CLASP1: variants seen among roughly 807,000 people sequenced by gnomAD.
The protein encoded by CLASP1 is CLIP-associating protein 1.
Under a neutral mutation model 192.3 loss-of-function variants are expected in CLASP1, and 38 were observed. The observed-to-expected ratio is 0.20, with a 90% CI of 0.15 to 0.26. CLASP1 has a LOEUF of 0.26. Among genes scored for constraint, CLASP1 ranks in the 10% least tolerant of loss-of-function variants. The pLI, the probability that CLASP1 is intolerant of heterozygous loss-of-function variation, is 1.00. For synonymous variants in CLASP1, 691 were observed against 712.8 expected (o/e 0.97, Z 0.49); for missense variants, 1,433 against 1,932.5 (o/e 0.74, Z 4.85).
intron 22 of CLASP1, among the ~76,000 whole-genome samples, chr2:121,424,233 TC>T (rs1392189230): frequency 1.3e-5 from 2 of 152,134 alleles, no homozygotes; most frequent in Admixed American, 1.3e-4. Flanking sequence ...CATTTCCACC[TC>T]TCCCCAATAG....
chr2:121,434,723 C>T (rs1212694130), intron 19 of CLASP1, among the ~76,000 whole-genome samples: 2 of 152,158 alleles, frequency 1.3e-5, no homozygotes, highest in Non-Finnish European at 2.9e-5. Context: ...GGTGCAGTGG[C>T]TCACACCTGT....
chr2:121,530,361 GGCCTGC>G, intron 2 of CLASP1, 36 bp from the exon 3 acceptor site: 1 of 1,513,866 alleles, frequency 6.6e-7, no homozygotes, highest in Non-Finnish European at 9.0e-7. Flanking sequence ...GTTAGCAGCC[GGCCTGC>G]GGGGCAGCGC....
chr2:121,496,561 T>G (rs1024731983), intron 8 of CLASP1, among the ~76,000 whole-genome samples: 1 of 145,558 alleles, frequency 6.9e-6, no homozygotes, highest in African/African-American at 2.7e-5. Flanking sequence ...CAAGATTTAC[T>G]GAGAGACATA....
chr2:121,465,277 T>C (rs1033824772), intron 9 of CLASP1, among the ~76,000 whole-genome samples: 2 of 152,182 alleles, frequency 1.3e-5, no homozygotes, highest in Non-Finnish European at 2.9e-5. Context: ...AACCCCATTG[T>C]CTCAGCCCAA....
At chr2:121,531,095 G>C in intron 2 of CLASP1, 1 of 651,484 alleles carries the variant, frequency 1.5e-6, no homozygotes, top group Non-Finnish European at 2.8e-6. Flanking sequence ...AGTAGAGGGT[G>C]CACAAGACGC....
intron 8 of CLASP1, among the ~76,000 whole-genome samples, chr2:121,485,623 G>A (rs934456206): frequency 1.3e-5 from 2 of 152,130 alleles, no homozygotes; most frequent in Non-Finnish European, 2.9e-5. Context: ...CAGCACTTTG[G>A]GAGGTCAAGG....
intron 2 of CLASP1, among the ~76,000 whole-genome samples, chr2:121,551,199 T>C (rs1266633259): frequency 6.6e-6 from 1 of 151,992 alleles, no homozygotes; most frequent in African/African-American, 2.4e-5. Context: ...TGAAGGAACA[T>C]ACTTCGAAGT....
At chr2:121,455,936 G>A (rs184790588) in intron 14 of CLASP1, among the ~76,000 whole-genome samples, 53 of 152,226 alleles carry the variant, frequency 3.5e-4, no homozygotes, top group Admixed American at 5.2e-4. Context: ...TTGGGAGACT[G>A]GGGAGATGTA....
chr2:121,347,358 T>A (rs900999554), intron 38 of CLASP1, among the ~76,000 whole-genome samples: 1 of 152,036 alleles, frequency 6.6e-6, no homozygotes, highest in Non-Finnish European at 1.5e-5. Context: ...AGAAACTTGG[T>A]TTCTGGGGTG....
rs115430563 is a variant in CLASP1 at position 121,562,291 on chromosome 2, C to T, written c.196-31966G>A. ...TGCCTGTGACCACTGCTAACCTGTG[C>T]GGAACAAACATGTGCTGAAGGATTT... On this transcript the variant is annotated intron_variant, in intron 2 of 39. Coordinates refer to ENST00000263710, the Ensembl canonical transcript of CLASP1. Among the ~76,000 whole-genome samples, 1,428 of 152,274 alleles carry T rather than the reference C, an allele frequency of 9.4e-3. 22 individuals are homozygous for T. The highest frequency in any genetic ancestry group is 0.032 in the African/African-American group (1,350 of 41,544).
In CLASP1 at chr2:121,348,740, AAGAGTG is replaced by A. The variant is rs757212422; in HGVS notation, c.4207-28_4207-23del. 3.2e-6 allele frequency: 5 copies of A among 1,564,442 alleles called. No individual in the cohort carries two copies. The East Asian group carries it at 9.1e-5, about 29-fold the overall frequency. ...CCACCTGAAACACCCAGTTCCCCCAAAGAGTGAGCTCCACATGCCACATGAAGCGAA... is the reference window on the plus strand; with the variant it reads ...CCACCTGAAACACCCAGTTCCCCCAAAGCTCCACATGCCACATGAAGCGAA... On this transcript the variant is annotated intron_variant, in intron 37 of 39. Coordinates refer to ENST00000263710, the Ensembl canonical transcript of CLASP1.
chr2:121,560,358 A>T (rs1354094796), intron 2 of CLASP1, among the ~76,000 whole-genome samples: 1 of 152,224 alleles, frequency 6.6e-6, no homozygotes, highest in African/African-American at 2.4e-5. Context: ...TTTGTGAGCA[A>T]TGTGTTTGTA....
In CLASP1 at chr2:121,381,580, A is replaced by G. The variant is rs996326825; in HGVS notation, c.3491+628T>C. Among the ~76,000 whole-genome samples, 6 of 152,198 alleles carry G rather than the reference A, an allele frequency of 3.9e-5. No homozygotes were observed. The East Asian group carries it at 5.8e-4, about 15-fold the overall frequency. ...TAACATTGTTGCATAACCAGTGTCC[A>G]TGATGCCGCATTCAGCATCAACTGT... On this transcript the variant is annotated intron_variant, in intron 33 of 39. Transcript: ENST00000263710.
intron 30 of CLASP1, among the ~76,000 whole-genome samples, chr2:121,393,364 A>C (rs1266914020): frequency 6.6e-6 from 1 of 152,234 alleles, no homozygotes; most frequent in Non-Finnish European, 1.5e-5. Flanking sequence ...ATAACCTTTA[A>C]AAAACTCTGG....
At chr2:121,440,383 T>C (rs1197361129) in intron 19 of CLASP1, among the ~76,000 whole-genome samples, 1 of 152,178 alleles carries the variant, frequency 6.6e-6, no homozygotes. Flanking sequence ...TCTGTGGTAA[T>C]TAGGGGAAAA....
intron 19 of CLASP1, among the ~76,000 whole-genome samples, chr2:121,440,197 CT>C (rs2083071369): frequency 6.6e-6 from 1 of 151,122 alleles, no homozygotes; most frequent in Admixed American, 6.6e-5. Context: ...CATTTCCTTA[CT>C]TTTTTGGGAA....
At chr2:121,639,170 G>A (rs1167720251) in intron 1 of CLASP1, among the ~76,000 whole-genome samples, 3 of 151,896 alleles carry the variant, frequency 2.0e-5, no homozygotes, top group Non-Finnish European at 2.9e-5. Context: ...CCAGCTACTC[G>A]GGAGGCTGAG....
chr2:121,556,500 C>T (rs1011202678), intron 2 of CLASP1, among the ~76,000 whole-genome samples: 4 of 152,162 alleles, frequency 2.6e-5, no homozygotes, highest in African/African-American at 9.6e-5. Context: ...ACTCCTTCCG[C>T]TCTCTGCACC....
intron 6 of CLASP1, among the ~76,000 whole-genome samples, chr2:121,524,100 C>T (rs1205501098): frequency 6.6e-6 from 1 of 152,114 alleles, no homozygotes; most frequent in Admixed American, 6.5e-5. Context: ...CTCCACCGCC[C>T]ACCCCAGGTA....
Sources: allele counts gnomAD v4.1 joint callset (sites outside exome capture counted in the v4.1 genomes callset), GRCh38; gene constraint gnomAD v4.1.1; transcripts MANE v1.5; gene names NCBI Gene and HGNC (gene_info 2026-07-23, HGNC 2026-07-21).